Variants in DCC observed in about 807,000 individuals in gnomAD.
DCC encodes netrin receptor DCC.
In DCC, 58 loss-of-function variants were observed where a neutral mutation model predicts 172.5. The ratio of observed to expected loss-of-function variants is 0.34; its 90% CI spans 0.27 to 0.42. The LOEUF (loss-of-function observed/expected upper bound fraction) is 0.42. Ranked by LOEUF, DCC falls within the 10% of genes least tolerant of loss-of-function variation. The pLI is 1.00. For missense variants in DCC, 1,740 were observed against 1,791.0 expected (o/e 0.97, Z 0.51); for synonymous variants, 709 against 644.5 (o/e 1.10, Z -1.52).
intron 7 of DCC, among the ~76,000 whole-genome samples, chr18:53,073,900 A>T (rs2042688858): frequency 6.6e-6 from 1 of 151,062 alleles, no homozygotes; most frequent in Non-Finnish European, 1.5e-5. Context: ...ATAAAATTGT[A>T]TATATATTAT....
chr18:52,347,095 TGAA>T (rs1983911689), intron 1 of DCC, among the ~76,000 whole-genome samples: 1 of 152,180 alleles, frequency 6.6e-6, no homozygotes, highest in Non-Finnish European at 1.5e-5. Flanking sequence ...CTGAATTAAC[TGAA>T]TCTTTAGGAT....
At chr18:52,636,938 C>A (rs750426382) in intron 1 of DCC, among the ~76,000 whole-genome samples, 2 of 152,160 alleles carry the variant, frequency 1.3e-5, no homozygotes, top group African/African-American at 4.8e-5. Context: ...CCACCTCCAC[C>A]GGAACAGGCA....
chr18:52,910,495 G>T lies in DCC; in HGVS notation c.697+4167G>T, dbSNP rs567704699. On this transcript the variant is annotated intron_variant, in intron 3 of 28. Coordinates refer to ENST00000442544, the MANE Select transcript of DCC (RefSeq NM_005215.4). ...AGAATCAGTAATACATTGTGCTAAA[G>T]CATTTTTTAAAATATCAATAACAAA... Among the ~76,000 whole-genome samples the T allele has an allele frequency of 9.9e-5, 15 of 152,184 alleles. 1 individual carries two copies. Among genetic ancestry groups the T allele is most frequent in the African/African-American group, 3.6e-4 (15 of 41,536 alleles).
intron 1 of DCC, among the ~76,000 whole-genome samples, chr18:52,492,319 G>A (rs897640977): frequency 6.6e-6 from 1 of 151,882 alleles, no homozygotes. Context: ...AATTAAAATA[G>A]TTATTTTAAG....
intron 2 of DCC, among the ~76,000 whole-genome samples, chr18:52,817,148 A>G (rs2145262427): frequency 6.6e-6 from 1 of 152,304 alleles, no homozygotes; most frequent in Admixed American, 6.5e-5. Flanking sequence ...AACTTCTACC[A>G]GAAATACCAG....
chr18:53,058,117 A>G lies in DCC; in HGVS notation c.986-5188A>G, dbSNP rs534906088. On this transcript the variant is annotated intron_variant, in intron 5 of 28. Transcript: ENST00000442544. ...AGAAATGTGCTGAAGAAATATATCC[A>G]TGGCCATTGATGAATCATATTCACT... Among the ~76,000 whole-genome samples, 4 of 152,260 alleles carry G rather than the reference A, an allele frequency of 2.6e-5. No homozygotes were observed. In the East Asian group the frequency reaches 5.8e-4, roughly 22 times the overall value.
chr18:53,212,869 A>T (rs2055779687), intron 11 of DCC, among the ~76,000 whole-genome samples: 1 of 151,834 alleles, frequency 6.6e-6, no homozygotes, highest in African/African-American at 2.4e-5. Flanking sequence ...ATAGATTTTC[A>T]CCTTATTTGC....
chr18:53,267,167 CAGAGACAG>C (rs1407905348), intron 12 of DCC, among the ~76,000 whole-genome samples: 4 of 148,868 alleles, frequency 2.7e-5, no homozygotes, highest in African/African-American at 9.8e-5. Flanking sequence ...GAGAGAGAGA[CAGAGACAG>C]AGAGACAGAG....
At chr18:53,393,227 C>G (rs1418941688) in intron 17 of DCC, among the ~76,000 whole-genome samples, 1 of 152,170 alleles carries the variant, frequency 6.6e-6, no homozygotes, top group East Asian at 1.9e-4. Flanking sequence ...TTCTCTCTCC[C>G]CATAGCCATG....
chr18:52,345,446 C>T (rs1983837413), intron 1 of DCC, among the ~76,000 whole-genome samples: 2 of 152,174 alleles, frequency 1.3e-5, no homozygotes, highest in African/African-American at 4.8e-5. Flanking sequence ...CATGAGTTGT[C>T]ACAACAGTTA....
At chr18:52,595,189 A>G (rs1244474264) in intron 1 of DCC, among the ~76,000 whole-genome samples, 2 of 152,212 alleles carry the variant, frequency 1.3e-5, no homozygotes, top group Non-Finnish European at 2.9e-5. Flanking sequence ...TTACAGGCAT[A>G]TTACTCAGAT....
rs757295777 is a variant in DCC, at chr18:52,906,128, A to G, written c.497A>G (p.Glu166Gly). The G allele has an allele frequency of 3.3e-5, 54 of 1,613,880 alleles. No homozygotes were observed. Among genetic ancestry groups the G allele is most frequent in the Non-Finnish European group, 3.9e-5 (46 of 1,179,928 alleles). Residue 166 changes from glutamate to glycine, a missense_variant, in exon 3 of 29, where the codon GAG becomes GGG. Glu to Gly is a moderately conservative substitution (Grantham distance 98). Coordinates refer to ENST00000442544, the MANE Select transcript of DCC (RefSeq NM_005215.4). The stretch of plus-strand genomic sequence containing the variant: ...CTACTCAAGTGTGAAGTCATTGGGG[A>G]GCCCATGCCAACAATCCACTGGCAG... The part of the protein sequence containing the change: ...TVLLKCEVIG[E>G]PMPTIHWQKN...
intron 12 of DCC, among the ~76,000 whole-genome samples, chr18:53,255,276 A>G (rs1333575253): frequency 2.0e-5 from 3 of 151,326 alleles, no homozygotes; most frequent in African/African-American, 7.3e-5. Context: ...CAGGTTTGTT[A>G]CATATGTATA....
At chr18:52,534,411 A>G (rs1487881120) in intron 1 of DCC, among the ~76,000 whole-genome samples, 3 of 152,152 alleles carry the variant, frequency 2.0e-5, no homozygotes, top group Admixed American at 6.6e-5. Flanking sequence ...AGACCCCAAC[A>G]TAAGCTTCCT....
intron 1 of DCC, among the ~76,000 whole-genome samples, chr18:52,696,470 T>A (rs536588413): frequency 3.9e-5 from 6 of 152,326 alleles, no homozygotes; most frequent in African/African-American, 1.4e-4. Context: ...TGTGCCATCT[T>A]CATAAAAAAC....
intron 13 of DCC, among the ~76,000 whole-genome samples, chr18:53,316,288 C>A (rs576897819): frequency 1.9e-4 from 29 of 152,060 alleles, no homozygotes; most frequent in African/African-American, 6.5e-4. Flanking sequence ...ATTTTTGAGG[C>A]CTCTGTTCTG....
chr18:52,920,936 T>C (rs1568187643), intron 3 of DCC, among the ~76,000 whole-genome samples: 1 of 152,150 alleles, frequency 6.6e-6, no homozygotes, highest in African/African-American at 2.4e-5. Flanking sequence ...GGCTATGTAC[T>C]TTATGATTCT....
rs1273332833 is a variant in DCC at position 53,334,179 on chromosome 18, C to A, written c.2165-5534C>A. Among the ~76,000 whole-genome samples, 18 of 152,312 alleles carry A rather than the reference C, an allele frequency of 1.2e-4. No individual in the cohort carries two copies. In the East Asian group the frequency reaches 3.5e-3, roughly 29 times the overall value. On this transcript the variant is annotated intron_variant, in intron 14 of 28. Transcript: ENST00000442544. ...AATTTTATGGTCTCCATGTTTCATTCTATGCTTCCTCTCCAAACTTCTTTT... is the reference window on the plus strand; with the variant it reads ...AATTTTATGGTCTCCATGTTTCATTATATGCTTCCTCTCCAAACTTCTTTT...
chr18:52,802,890 T>C (rs1300942414), intron 2 of DCC, among the ~76,000 whole-genome samples: 1 of 151,950 alleles, frequency 6.6e-6, no homozygotes, highest in East Asian at 1.9e-4. Flanking sequence ...ACACATACTT[T>C]GCATATTTGT....
Sources: gnomAD v4.1 joint callset for allele counts (sites outside exome capture counted in the v4.1 genomes callset) on GRCh38, gnomAD v4.1.1 for gene constraint, MANE v1.5 for transcripts, NCBI Gene and HGNC (gene_info 2026-07-23, HGNC 2026-07-21) for gene names.